The following STK32C variants were observed in gnomAD, a reference collection of about 807,000 sequenced individuals.
The protein encoded by STK32C is serine/threonine-protein kinase 32C.
Under a neutral mutation model 56.5 loss-of-function variants are expected in STK32C, and 31 were observed. The observed-to-expected ratio is 0.55, with a 90% confidence interval of 0.41 to 0.74. The LOEUF (loss-of-function observed/expected upper bound fraction) is 0.74. STK32C is among the 30% of genes least tolerant of loss of function. The probability of loss-of-function intolerance (pLI) is 0.00; values close to 1 mark genes in which losing one functional copy is unlikely to be tolerated. For missense variants in STK32C, 544 were observed against 676.9 expected (o/e 0.80, Z 2.18); for synonymous variants, 309 against 289.4 (o/e 1.07, Z -0.69).
At chr10:132,209,947 G>A (rs1229172220) in intron 10 of STK32C, among the ~76,000 whole-genome samples, 5 of 152,194 alleles carry the variant, frequency 3.3e-5, no homozygotes, top group Non-Finnish European at 7.4e-5. Context: ...AGTCACCCAC[G>A]TCACAGCCAA....
At chr10:132,267,383 G>A (rs1187841334) in intron 1 of STK32C, among the ~76,000 whole-genome samples, 1 of 152,276 alleles carries the variant, frequency 6.6e-6, no homozygotes, top group Non-Finnish European at 1.5e-5. Flanking sequence ...ATGTGCATGT[G>A]TGTCTGTATG....
intron 2 of STK32C, among the ~76,000 whole-genome samples, chr10:132,242,382 T>C (rs2063535587): frequency 6.6e-6 from 1 of 152,126 alleles, no homozygotes; most frequent in African/African-American, 2.4e-5. Context: ...AACTCTGCGT[T>C]GTTGACTGTT....
At chr10:132,229,058 CA>C (rs1253495899) in intron 2 of STK32C, among the ~76,000 whole-genome samples, 1 of 152,214 alleles carries the variant, frequency 6.6e-6, no homozygotes, top group African/African-American at 2.4e-5. Flanking sequence ...CATCAATGAG[CA>C]GGGGGGTCCC....
intron 3 of STK32C, 30 bp downstream of exon 3, chr10:132,227,947 C>A: frequency 6.2e-7 from 1 of 1,609,410 alleles, no homozygotes; most frequent in Non-Finnish European, 8.5e-7. Context: ...GACGGTAAGT[C>A]TTTCTGCAGC....
chr10:132,329,835 G>A (rs1354729382), intron 1 of STK32C, among the ~76,000 whole-genome samples: 1 of 152,220 alleles, frequency 6.6e-6, no homozygotes, highest in East Asian at 1.9e-4. Flanking sequence ...CACGGCCAGC[G>A]CCAGGCAACA....
intron 1 of STK32C, among the ~76,000 whole-genome samples, chr10:132,273,590 G>A (rs2064900243): frequency 7.1e-6 from 1 of 140,114 alleles, no homozygotes; most frequent in African/African-American, 2.7e-5. Context: ...TGAATACATG[G>A]TTACTGAATG....
At chr10:132,318,317 A>G (rs953127467) in intron 1 of STK32C, among the ~76,000 whole-genome samples, 5 of 151,538 alleles carry the variant, frequency 3.3e-5, no homozygotes, top group African/African-American at 1.2e-4. Context: ...ATAAAAACGT[A>G]GGTAAAAGAC....
intron 2 of STK32C, among the ~76,000 whole-genome samples, chr10:132,237,205 ACTGTGCTCCCTGGG>A (rs1234292130): frequency 3.5e-5 from 4 of 115,126 alleles, no homozygotes; most frequent in Non-Finnish European, 8.1e-5. Context: ...TGCTCCCTGG[ACTGTGCTCCCTGGG>A]CTCACAGGCT....
chr10:132,228,336 T>C (rs948684669), intron 2 of STK32C: 4 of 642,102 alleles, frequency 6.2e-6, no homozygotes, highest in African/African-American at 1.8e-5. Context: ...GGGATTAAGA[T>C]GTGGGTGTTT....
chr10:132,278,101 T>C (rs982557152), intron 1 of STK32C, among the ~76,000 whole-genome samples: 3 of 152,200 alleles, frequency 2.0e-5, no homozygotes, highest in Admixed American at 1.3e-4. Context: ...GGGAACCCAT[T>C]GCTCACACCC....
chr10:132,238,061 C>T (rs1365831739), intron 2 of STK32C, among the ~76,000 whole-genome samples: 1 of 152,138 alleles, frequency 6.6e-6, no homozygotes, highest in Non-Finnish European at 1.5e-5. Flanking sequence ...TAAGCTGGGC[C>T]CCTCAGTGTG....
intron 1 of STK32C, among the ~76,000 whole-genome samples, chr10:132,269,409 C>T (rs1319996678): frequency 6.6e-6 from 1 of 152,166 alleles, no homozygotes; most frequent in Non-Finnish European, 1.5e-5. Flanking sequence ...TTCCACTGGC[C>T]GCACCGGATC....
At chr10:132,269,863 A>C (rs1373810330) in intron 1 of STK32C, among the ~76,000 whole-genome samples, 1 of 152,192 alleles carries the variant, frequency 6.6e-6, no homozygotes, top group African/African-American at 2.4e-5. Context: ...GAGAGTCCCT[A>C]GCCTGCCACG....
intron 10 of STK32C, chr10:132,209,333 T>C: frequency 1.4e-6 from 1 of 709,688 alleles, no homozygotes. Flanking sequence ...CCCTTGCCTC[T>C]GGGTGGATGG....
intron 1 of STK32C, among the ~76,000 whole-genome samples, chr10:132,291,593 T>C (rs1313284288): frequency 6.6e-6 from 1 of 152,112 alleles, no homozygotes; most frequent in Admixed American, 6.5e-5. Context: ...AGAGTGCCCC[T>C]CTGCAAGTCT....
chr10:132,224,899 C>T (rs1453196217), intron 7 of STK32C, among the ~76,000 whole-genome samples: 2 of 152,164 alleles, frequency 1.3e-5, no homozygotes, highest in Non-Finnish European at 2.9e-5. Context: ...GCCGTGGCCA[C>T]AAGGGTAAGA....
In STK32C at chr10:132,278,002, G is replaced by A. The variant is rs114968269; in HGVS notation, c.262+29570C>T. On this transcript the variant is annotated intron_variant, in intron 1 of 11. Transcript: ENST00000298630. ...GGCAGCAGTGGCAAAGCAAGGCTTCGGAGTTCCTCCCCAGTTCCCTCCAGG... is the reference window on the plus strand; with the variant it reads ...GGCAGCAGTGGCAAAGCAAGGCTTCAGAGTTCCTCCCCAGTTCCCTCCAGG... Among the ~76,000 whole-genome samples, 129 of 152,292 alleles carry A rather than the reference G, an allele frequency of 8.5e-4. 1 individual carries two copies. The highest frequency in any genetic ancestry group is 1.6e-3 in the Non-Finnish European group (106 of 68,016).
Position 132,268,044 on chromosome 10 carries a change from T to C in STK32C, c.263-22089A>G, listed in dbSNP as rs746131057. On this transcript the variant is annotated intron_variant, in intron 1 of 11. Transcript: ENST00000298630. ...GTGTATGCATGTTCGGCTCTATGCC[T>C]GTCTGTGTGCCCACATGTCCCACGT... Among the ~76,000 whole-genome samples, 214 of 120,530 alleles carry C rather than the reference T, an allele frequency of 1.8e-3. 2 individuals are homozygous for C. Among genetic ancestry groups the C allele is most frequent in the Middle Eastern group, 4.0e-3 (1 of 248 alleles). The allele number at this position is 120,530 out of a possible 152,430, so 79.1% of individuals were successfully genotyped here.
At chr10:132,241,212 AC>A (rs1466309533) in intron 2 of STK32C, among the ~76,000 whole-genome samples, 1 of 152,112 alleles carries the variant, frequency 6.6e-6, no homozygotes, top group Non-Finnish European at 1.5e-5. Context: ...CGCCCAGCCC[AC>A]CCAACTCCTC....
Sources: gnomAD v4.1 joint callset for allele counts (sites outside exome capture counted in the v4.1 genomes callset) on GRCh38, gnomAD v4.1.1 for gene constraint, MANE v1.5 for transcripts, NCBI Gene and HGNC (gene_info 2026-07-23, HGNC 2026-07-21) for gene names.